NRROS: variants seen among roughly 807,000 people sequenced by gnomAD.
The protein encoded by NRROS is transforming growth factor beta activator LRRC33.
Under a neutral mutation model 12.0 loss-of-function variants are expected in NRROS, and 6 were observed. That is an observed-to-expected ratio of 0.50 (90% confidence interval 0.27 to 0.98). The LOEUF is 0.98. Among genes scored for constraint, NRROS ranks in the 50% least tolerant of loss-of-function variants. The pLI is 0.11. For synonymous variants in NRROS, 462 were observed against 410.2 expected (o/e 1.13, Z -1.53); for missense variants, 857 against 888.2 (o/e 0.96, Z 0.45).
intron 2 of NRROS, among the ~76,000 whole-genome samples, chr3:196,659,118 C>T (rs1218195756): frequency 3.3e-5 from 5 of 152,128 alleles, no homozygotes; most frequent in African/African-American, 9.7e-5. Flanking sequence ...AGGGTGGCCT[C>T]GTCCCTCCCG....
intron 1 of NRROS, among the ~76,000 whole-genome samples, chr3:196,651,621 G>A (rs1333764440): frequency 6.6e-6 from 1 of 152,126 alleles, no homozygotes; most frequent in Non-Finnish European, 1.5e-5. Context: ...ACAAAAATTA[G>A]CCAGGCGTGG....
At chr3:196,657,698 A>C (rs1269445251) in intron 2 of NRROS, among the ~76,000 whole-genome samples, 2 of 135,724 alleles carry the variant, frequency 1.5e-5, no homozygotes, top group East Asian at 2.0e-4. Context: ...CAAGAGTGAG[A>C]CTCTGTCTCA....
rs907304765 is a variant in NRROS, at chr3:196,659,821, C to T, written c.178C>T (p.Arg60Trp). The T allele has an allele frequency of 3.7e-6, 6 of 1,614,054 alleles. No homozygotes were observed. Among genetic ancestry groups the T allele is most frequent in the South Asian group, 1.1e-5 (1 of 91,082 alleles). Residue 60 changes from arginine (R) to tryptophan (W), a missense_variant, in exon 3 of 3, where the codon CGG becomes TGG. Arg to Trp is a moderately radical substitution (Grantham distance 101). Transcript: ENST00000328557. ...GCCCAGCAGCCTCCCGCCCCACGCCCGGATGCTCACCCTGGATGCCAACCC... is the reference window on the plus strand; with the variant it reads ...GCCCAGCAGCCTCCCGCCCCACGCCTGGATGCTCACCCTGGATGCCAACCC... ...SVPSSLPPHA[R>W]MLTLDANPLK...
At chr3:196,659,119 G>A (rs779269378) in intron 2 of NRROS, among the ~76,000 whole-genome samples, 21 of 152,044 alleles carry the variant, frequency 1.4e-4, no homozygotes, top group Non-Finnish European at 2.9e-4. Context: ...GGGTGGCCTC[G>A]TCCCTCCCGC....
At chr3:196,648,100 G>C (rs994255075) in intron 1 of NRROS, among the ~76,000 whole-genome samples, 1 of 152,188 alleles carries the variant, frequency 6.6e-6, no homozygotes, top group Non-Finnish European at 1.5e-5. Flanking sequence ...TATGGGGACA[G>C]AGATTACCAT....
Position 196,643,844 on chromosome 3 carries a change from G to C in NRROS, c.-14+3969G>C, listed in dbSNP as rs142121827. ...CCCTCTGTGGTCCTCAGGCACCAAG[G>C]CTGAGCCCTTTCCCTCGGCCCTGCA... On this transcript the variant is annotated intron_variant, in intron 1 of 2. Coordinates refer to ENST00000328557, the MANE Select transcript of NRROS (RefSeq NM_198565.3). 4.8e-3 allele frequency among the ~76,000 whole-genome samples: 735 copies of C among 152,234 alleles called. 12 individuals are homozygous for C. The highest frequency in any genetic ancestry group is 0.016 in the African/African-American group (655 of 41,534).
chr3:196,660,141 G>A lies in NRROS; in HGVS notation c.498G>A (p.Gly166=), dbSNP rs767777500. 1 of 1,613,114 alleles carries A rather than the reference G, an allele frequency of 6.2e-7. No homozygotes were observed. Among genetic ancestry groups the A allele is most frequent in the Non-Finnish European group, 8.5e-7 (1 of 1,179,958 alleles). Residue 166 remains glycine, a synonymous_variant, in exon 3 of 3, where the codon GGG becomes GGA. Coordinates refer to ENST00000328557, the MANE Select transcript of NRROS (RefSeq NM_198565.3). The surrounding 1 kb of genome is among the most constrained non-coding windows in gnomAD (Gnocchi z 7.7). ...LSSLRSVSLA[G]NTIMRLDDSV... ...CGCTGCGGTCCGTGTCCCTGGCGGG[G>A]AACACCATCATGCGGCTGGACGACT...
rs1478825128 is a variant in NRROS, at chr3:196,659,981, G to C, written c.338G>C (p.Gly113Ala). ...GGTCACCTGCGCAGCCTGGTCCTGG[G>C]GGACAACTGCCTCTCAGAGAACTAC... Reference protein sequence around the residue: ...EQGHLRSLVLGDNCLSENYEE... With the variant: ...EQGHLRSLVLADNCLSENYEE... The change falls in exon 3 of 3, where the codon GGG becomes GCG. Residue 113 changes from glycine to alanine, a missense_variant. Gly to Ala is a moderately conservative substitution (Grantham distance 60). Transcript: ENST00000328557. The C allele has an allele frequency of 2.5e-6, 4 of 1,613,742 alleles. No homozygotes were observed. Among genetic ancestry groups the C allele is most frequent in the Non-Finnish European group, 3.4e-6 (4 of 1,179,852 alleles).
At chr3:196,658,568 A>G (rs529365035) in intron 2 of NRROS, among the ~76,000 whole-genome samples, 1 of 152,286 alleles carries the variant, frequency 6.6e-6, no homozygotes, top group East Asian at 1.9e-4. Flanking sequence ...GCCGTGCTGC[A>G]CTTGCCCTCT....
chr3:196,661,135 G>A lies in NRROS; in HGVS notation c.1492G>A (p.Val498Ile), dbSNP rs770153416. 3.1e-6 allele frequency: 5 copies of A among 1,612,942 alleles called. No homozygotes were observed. Among genetic ancestry groups the A allele is most frequent in the African/African-American group, 1.3e-5 (1 of 74,910 alleles). ...TYLDLSSNWGVLNGSLAPLQD... is the reference protein window; with the variant it reads ...TYLDLSSNWGILNGSLAPLQD... ...CTTAGACCTCTCAAGCAACTGGGGG[G>A]TTCTGAATGGGAGCCTCGCCCCACT... The change falls in exon 3 of 3, where the codon GTT becomes ATT. Residue 498 changes from valine (V) to isoleucine (I), a missense_variant. Val to Ile is a conservative substitution (Grantham distance 29). Coordinates refer to ENST00000328557, the MANE Select transcript of NRROS (RefSeq NM_198565.3).
At chr3:196,642,418 G>C (rs1364824184) in intron 1 of NRROS, among the ~76,000 whole-genome samples, 1 of 152,026 alleles carries the variant, frequency 6.6e-6, no homozygotes, top group African/African-American at 2.4e-5. Flanking sequence ...CCTCAGCTTT[G>C]CCTTCCTCTC....
At chr3:196,644,231 G>A (rs2108635565) in intron 1 of NRROS, among the ~76,000 whole-genome samples, 1 of 152,130 alleles carries the variant, frequency 6.6e-6, no homozygotes, top group East Asian at 1.9e-4. Context: ...GAAGGCCATG[G>A]TCCCATGATA....
chr3:196,662,002 A>G lies in NRROS; in HGVS notation c.*280A>G, dbSNP rs538256474. ...GTGTCTCATAAATATTTTTTAAATTAAATGCAGCTTGTGTTTTTTTTTATT... is the reference window on the plus strand; with the variant it reads ...GTGTCTCATAAATATTTTTTAAATTGAATGCAGCTTGTGTTTTTTTTTATT... On this transcript the variant is annotated 3_prime_UTR_variant, in exon 3 of 3. Transcript: ENST00000328557. 6 of 294,878 alleles carry G rather than the reference A, an allele frequency of 2.0e-5. No homozygotes were observed. In the Admixed American group the frequency reaches 3.2e-4, roughly 16 times the overall value. 18.3% of individuals were successfully genotyped at this position (294,878 alleles called of 1,614,324 possible). A position where few individuals can be genotyped will look rare whatever the true frequency, so the allele number is the denominator to read the frequency against.
At chr3:196,643,677 C>T (rs1297799771) in intron 1 of NRROS, among the ~76,000 whole-genome samples, 2 of 152,258 alleles carry the variant, frequency 1.3e-5, no homozygotes, top group African/African-American at 2.4e-5. Context: ...CCCATGGGTA[C>T]ACATCGTGTT....
In NRROS at chr3:196,660,374, C is replaced by G. The variant is rs768868342; in HGVS notation, c.731C>G (p.Thr244Ser). The stretch of plus-strand genomic sequence containing the variant: ...AACGTCCTGGAGTGGTTCCTCGCGA[C>G]CGGGGGAGAGGCTGCCTTCGAGCTG... ...SYNVLEWFLA[T>S]GGEAAFELET... The change falls in exon 3 of 3, where the codon ACC becomes AGC. Residue 244 changes from threonine to serine, a missense_variant. Transcript: ENST00000328557. The surrounding 1 kb of genome is among the most constrained non-coding windows in gnomAD (Gnocchi z 7.7). 6.2e-7 allele frequency: 1 copy of G among 1,613,988 alleles called. No individual in the cohort carries two copies. Among genetic ancestry groups the G allele is most frequent in the Non-Finnish European group, 8.5e-7 (1 of 1,179,984 alleles).
chr3:196,648,803 C>T (rs1257264103), intron 1 of NRROS, among the ~76,000 whole-genome samples: 7 of 147,374 alleles, frequency 4.7e-5, no homozygotes, highest in African/African-American at 7.5e-5. Context: ...CCAACATCCA[C>T]TCAAGGTTCA....
intron 1 of NRROS, among the ~76,000 whole-genome samples, chr3:196,642,485 G>C (rs1429502899): frequency 3.9e-5 from 6 of 152,154 alleles, no homozygotes; most frequent in Admixed American, 3.9e-4. Flanking sequence ...GCTGCCTGCA[G>C]CTCCAACTAT....
At chr3:196,651,390 G>T (rs888436762) in intron 1 of NRROS, among the ~76,000 whole-genome samples, 1 of 152,142 alleles carries the variant, frequency 6.6e-6, no homozygotes, top group African/African-American at 2.4e-5. Flanking sequence ...GGTGGAAAAG[G>T]CTGAGAAAGC....
intron 1 of NRROS, among the ~76,000 whole-genome samples, chr3:196,642,985 G>A (rs1374055046): frequency 2.0e-5 from 3 of 151,416 alleles, no homozygotes; most frequent in South Asian, 2.1e-4. Context: ...CAGGAGAGTC[G>A]CTTGAACCTT....
Sources: allele counts gnomAD v4.1 joint callset (sites outside exome capture counted in the v4.1 genomes callset), GRCh38; gene constraint gnomAD v4.1.1; non-coding constraint Gnocchi (gnomAD v3.1); transcripts MANE v1.5; gene names NCBI Gene and HGNC (gene_info 2026-07-23, HGNC 2026-07-21).